Variants in PTPRZ1 observed in about 807,000 individuals in gnomAD.
PTPRZ1 encodes receptor-type tyrosine-protein phosphatase zeta.
PTPRZ1 carries 82 observed loss-of-function variants against 214.1 expected under a neutral mutation model. The observed-to-expected ratio is 0.38, with a 90% CI of 0.32 to 0.46. PTPRZ1 has a LOEUF of 0.46. Among genes scored for constraint, PTPRZ1 ranks in the 20% least tolerant of loss-of-function variants. The probability of loss-of-function intolerance (pLI) is 1.00; values close to 1 mark genes in which losing one functional copy is unlikely to be tolerated. For missense variants in PTPRZ1, 2,603 were observed against 2,748.7 expected (o/e 0.95, Z 1.19); for synonymous variants, 945 against 987.9 (o/e 0.96, Z 0.81).
intron 2 of PTPRZ1, among the ~76,000 whole-genome samples, chr7:121,944,302 T>A (rs955199498): frequency 3.9e-5 from 6 of 152,156 alleles, no homozygotes; most frequent in Non-Finnish European, 8.8e-5. Context: ...CTCCAGAAGA[T>A]CCTGGGTCCT....
At chr7:121,991,028 C>A (rs1368760138) in intron 8 of PTPRZ1, among the ~76,000 whole-genome samples, 1 of 152,148 alleles carries the variant, frequency 6.6e-6, no homozygotes. Flanking sequence ...GAAAATCAGA[C>A]CTTAAAGTTC....
intron 2 of PTPRZ1, among the ~76,000 whole-genome samples, chr7:121,945,548 G>A (rs572225633): frequency 6.6e-6 from 1 of 152,062 alleles, no homozygotes; most frequent in South Asian, 2.1e-4. Context: ...TGGCTTAGGA[G>A]GATTCACAGT....
chr7:121,985,207 T>C (rs1205118472), intron 8 of PTPRZ1, among the ~76,000 whole-genome samples: 1 of 152,194 alleles, frequency 6.6e-6, no homozygotes, highest in East Asian at 1.9e-4. Context: ...TGAGGAAATT[T>C]AATTACATTT....
intron 3 of PTPRZ1, among the ~76,000 whole-genome samples, chr7:121,968,553 C>T (rs1225874982): frequency 1.3e-5 from 2 of 151,212 alleles, no homozygotes; most frequent in East Asian, 1.9e-4. Flanking sequence ...AAAATAAATT[C>T]CTAGCTCTTC....
chr7:122,006,392 C>T (rs1056935806), intron 11 of PTPRZ1, among the ~76,000 whole-genome samples: 6 of 151,994 alleles, frequency 3.9e-5, no homozygotes, highest in East Asian at 1.9e-4. Flanking sequence ...TGCCTGTCGC[C>T]CCCTCGCCAC....
chr7:122,048,002 A>G (rs1792053807), intron 23 of PTPRZ1, among the ~76,000 whole-genome samples: 1 of 152,142 alleles, frequency 6.6e-6, no homozygotes, highest in Non-Finnish European at 1.5e-5. Context: ...GCAGAGGGAA[A>G]AGGGAGATAA....
chr7:121,943,284 A>G (rs948452369), intron 2 of PTPRZ1, among the ~76,000 whole-genome samples: 2 of 152,214 alleles, frequency 1.3e-5, no homozygotes, highest in Admixed American at 6.5e-5. Flanking sequence ...GAAATTGTCA[A>G]ATGAGCAATC....
chr7:121,908,364 G>GTCGCCGAATCATT, intron 1 of PTPRZ1: 1 of 251,856 alleles, frequency 4.0e-6, no homozygotes, highest in South Asian at 4.1e-5. Context: ...AATCCCTTTG[G>GTCGCCGAATCATT]AAAAGAATAT....
At chr7:122,002,782 A>AT (rs2116630471) in intron 10 of PTPRZ1, among the ~76,000 whole-genome samples, 1 of 152,286 alleles carries the variant, frequency 6.6e-6, no homozygotes, top group East Asian at 1.9e-4. Flanking sequence ...AATACTTGAT[A>AT]TTTTTGTATA....
At chr7:121,934,963 T>A (rs1203693294) in intron 2 of PTPRZ1, among the ~76,000 whole-genome samples, 2 of 151,112 alleles carry the variant, frequency 1.3e-5, no homozygotes, top group Admixed American at 1.3e-4. Context: ...ATTTTAGGTG[T>A]TCTCACCACA....
Position 122,061,973 on chromosome 7 carries a change from C to G in PTPRZ1, c.*753C>G, listed in dbSNP as rs1489829238. On this transcript the variant is annotated 3_prime_UTR_variant, in exon 30 of 30. Coordinates refer to ENST00000393386, the MANE Select transcript of PTPRZ1 (RefSeq NM_002851.3). Reference sequence around the variant, plus strand: ...AGTTTTTATGAGAATAACACCTTACCAAACATTGTTCAAATGGTTTTTATC... The same window carrying G: ...AGTTTTTATGAGAATAACACCTTACGAAACATTGTTCAAATGGTTTTTATC... 2 of 152,526 alleles carry G rather than the reference C, an allele frequency of 1.3e-5. No homozygotes were observed. Among genetic ancestry groups the G allele is most frequent in the African/African-American group, 2.4e-5 (1 of 41,402 alleles). 9.4% of individuals were successfully genotyped at this position (152,526 alleles called of 1,614,324 possible).
At chr7:122,049,695 G>T (rs1385836303) in intron 23 of PTPRZ1, among the ~76,000 whole-genome samples, 1 of 152,110 alleles carries the variant, frequency 6.6e-6, no homozygotes, top group Non-Finnish European at 1.5e-5. Flanking sequence ...GAAATATTAA[G>T]ATATTGCTTC....
At chr7:121,972,145 T>C (rs1584697423) in intron 3 of PTPRZ1, among the ~76,000 whole-genome samples, 1 of 150,086 alleles carries the variant, frequency 6.7e-6, no homozygotes, top group Non-Finnish European at 1.5e-5. Context: ...GTGAGAGAAC[T>C]CTGAGGAGAA....
intron 2 of PTPRZ1, among the ~76,000 whole-genome samples, chr7:121,962,483 GT>G (rs1796911459): frequency 2.0e-5 from 3 of 146,630 alleles, no homozygotes; most frequent in African/African-American, 7.9e-5. Flanking sequence ...TAATAATAAT[GT>G]TTTAGAATAA....
chr7:122,061,298 T>C lies in PTPRZ1; in HGVS notation c.*78T>C. ...AATTAGGCAGGAAAATCAGTCTAGTTCTGTTATCTGTTGATTTCCCATCAC... is the reference window on the plus strand; with the variant it reads ...AATTAGGCAGGAAAATCAGTCTAGTCCTGTTATCTGTTGATTTCCCATCAC... On this transcript the variant is annotated 3_prime_UTR_variant, in exon 30 of 30. Coordinates refer to ENST00000393386, the MANE Select transcript of PTPRZ1 (RefSeq NM_002851.3). The C allele has an allele frequency of 7.6e-7, 1 of 1,311,486 alleles. No individual in the cohort carries two copies. The highest frequency in any genetic ancestry group is 1.0e-6 in the Non-Finnish European group (1 of 989,592). The allele number at this position is 1,311,486 out of a possible 1,614,324, so 81.2% of individuals were successfully genotyped here.
chr7:121,985,645 C>T (rs1797744210), intron 8 of PTPRZ1, among the ~76,000 whole-genome samples: 1 of 152,200 alleles, frequency 6.6e-6, no homozygotes, highest in African/African-American at 2.4e-5. Context: ...TTCTTCAAGA[C>T]TCAAGTTGAG....
chr7:121,901,982 G>T (rs1250381375), intron 1 of PTPRZ1, among the ~76,000 whole-genome samples: 2 of 152,064 alleles, frequency 1.3e-5, no homozygotes, highest in African/African-American at 2.4e-5. Context: ...CTTTGTACCT[G>T]TTGGCCAATC....
intron 7 of PTPRZ1, 50 bp downstream of exon 7, chr7:121,983,872 A>C (rs767162430): frequency 4.1e-5 from 66 of 1,595,468 alleles, no homozygotes; most frequent in Non-Finnish European, 5.0e-5. Context: ...CATTTAAAAA[A>C]CATTATGTTC....
intron 20 of PTPRZ1, among the ~76,000 whole-genome samples, chr7:122,040,380 C>G (rs1772722772): frequency 6.6e-6 from 1 of 152,176 alleles, no homozygotes; most frequent in Non-Finnish European, 1.5e-5. Flanking sequence ...CCTAGAAATT[C>G]TGGTAGGATC....
Sources: gnomAD v4.1 joint callset for allele counts (sites outside exome capture counted in the v4.1 genomes callset) on GRCh38, gnomAD v4.1.1 for gene constraint, MANE v1.5 for transcripts, NCBI Gene and HGNC (gene_info 2026-07-23, HGNC 2026-07-21) for gene names.